Variants in TTC28 observed in about 807,000 individuals in gnomAD.
TTC28 encodes the protein tetratricopeptide repeat protein 28.
A neutral mutation model predicts 198.0 loss-of-function variants in TTC28; 61 were observed. The observed-to-expected ratio is 0.31, with a 90% confidence interval of 0.25 to 0.38. The LOEUF is 0.38. Ranked by LOEUF, TTC28 falls within the 10% of genes least tolerant of loss-of-function variation. The probability of loss-of-function intolerance (pLI) is 1.00; values close to 1 mark genes in which losing one functional copy is unlikely to be tolerated. For synonymous variants in TTC28, 1,171 were observed against 1,297.8 expected, an observed-to-expected ratio of 0.90 and a Z score of 2.10; for missense variants, 2,678 against 3,164.0, an observed-to-expected ratio of 0.85 and a Z score of 3.69.
At chr22:28,030,095 G>T in intron 13 of TTC28, 131 bp downstream of exon 13, 1 of 1,326,952 alleles carries the variant, frequency 7.5e-7, no homozygotes, top group Non-Finnish European at 1.0e-6. Context: ...AAAGCATCAT[G>T]CTTGCTGCTG....
intron 2 of TTC28, among the ~76,000 whole-genome samples, chr22:28,339,091 C>G (rs549468488): frequency 1.3e-5 from 2 of 152,192 alleles, no homozygotes; most frequent in Admixed American, 6.5e-5. Flanking sequence ...TTCCTTCTAA[C>G]AGTCAGGACT....
At chr22:28,587,693 C>A (rs1033575941) in intron 2 of TTC28, among the ~76,000 whole-genome samples, 1 of 152,014 alleles carries the variant, frequency 6.6e-6, no homozygotes, top group South Asian at 2.1e-4. Flanking sequence ...GTGATCCCCC[C>A]ACCTTAGCCT....
chr22:28,482,055 G>T (rs1317642520), intron 2 of TTC28, among the ~76,000 whole-genome samples: 3 of 152,002 alleles, frequency 2.0e-5, no homozygotes, highest in South Asian at 4.1e-4. Flanking sequence ...TATTACATCA[G>T]GTTTTAGCAA....
At chr22:28,405,462 G>A (rs1397041783) in intron 2 of TTC28, among the ~76,000 whole-genome samples, 2 of 152,124 alleles carry the variant, frequency 1.3e-5, no homozygotes, top group Non-Finnish European at 2.9e-5. Flanking sequence ...TATAGCAGAA[G>A]GTAGAAAGCA....
chr22:28,597,497 C>T (rs1418947885), intron 2 of TTC28, among the ~76,000 whole-genome samples: 4 of 152,128 alleles, frequency 2.6e-5, no homozygotes, highest in African/African-American at 9.7e-5. Flanking sequence ...TTTGTTTAAA[C>T]ACAATTTCCT....
intron 5 of TTC28, among the ~76,000 whole-genome samples, chr22:28,213,976 C>A (rs1672537154): frequency 6.6e-6 from 1 of 152,096 alleles, no homozygotes; most frequent in South Asian, 2.1e-4. Context: ...AATAATGCCG[C>A]ATATCTACAA....
intron 5 of TTC28, among the ~76,000 whole-genome samples, chr22:28,191,915 C>T (rs191820229): frequency 7.3e-4 from 111 of 152,276 alleles, no homozygotes; most frequent in African/African-American, 2.6e-3. Context: ...CTTGAATGAC[C>T]CTGTCTGACA....
At chr22:28,261,415 A>G (rs569859502) in intron 5 of TTC28, among the ~76,000 whole-genome samples, 112 of 152,250 alleles carry the variant, frequency 7.4e-4, no homozygotes, top group African/African-American at 2.7e-3. Context: ...TGGAAGTCGC[A>G]GGAGAGGAGG....
intron 2 of TTC28, among the ~76,000 whole-genome samples, chr22:28,412,998 TATTC>T (rs759261599): frequency 1.3e-5 from 2 of 152,228 alleles, no homozygotes; most frequent in Admixed American, 6.5e-5. Flanking sequence ...CGTAACTTTT[TATTC>T]ATTATTTAGC....
At chr22:28,420,565 C>CAAA (rs4035770) in intron 2 of TTC28, among the ~76,000 whole-genome samples, 34 of 97,998 alleles carry the variant, frequency 3.5e-4, no homozygotes, top group East Asian at 7.0e-4. Flanking sequence ...CTAAAAAATG[C>CAAA]AAAAAAAAAA....
chr22:28,102,518 C>T (rs1360019976), intron 8 of TTC28, among the ~76,000 whole-genome samples: 1 of 152,200 alleles, frequency 6.6e-6, no homozygotes, highest in Non-Finnish European at 1.5e-5. Context: ...CTAGGCAGTT[C>T]TCAGCATCAC....
intron 2 of TTC28, among the ~76,000 whole-genome samples, chr22:28,538,790 G>A (rs894850323): frequency 5.3e-5 from 8 of 150,632 alleles, no homozygotes; most frequent in Non-Finnish European, 1.2e-4. Context: ...TCGAACTCCT[G>A]ACCTCAAATG....
intron 5 of TTC28, among the ~76,000 whole-genome samples, chr22:28,190,496 A>G (rs932762599): frequency 2.6e-5 from 4 of 152,198 alleles, no homozygotes; most frequent in Admixed American, 2.6e-4. Context: ...ATGAGTATGT[A>G]TACTTCTGAA....
intron 2 of TTC28, among the ~76,000 whole-genome samples, chr22:28,347,968 C>A (rs1303372080): frequency 2.6e-5 from 4 of 152,228 alleles, no homozygotes; most frequent in Non-Finnish European, 5.9e-5. Flanking sequence ...ACCTACCAGA[C>A]TGGTATCAAC....
At chr22:28,432,474 G>A (rs1057092758) in intron 2 of TTC28, among the ~76,000 whole-genome samples, 1 of 151,934 alleles carries the variant, frequency 6.6e-6, no homozygotes, top group African/African-American at 2.4e-5. Flanking sequence ...TAAAGTCACC[G>A]AGTTCTGCTC....
chr22:28,098,345 T>G (rs1215826510), intron 10 of TTC28, among the ~76,000 whole-genome samples: 1 of 152,094 alleles, frequency 6.6e-6, no homozygotes, highest in Non-Finnish European at 1.5e-5. Context: ...AGAGGGAACC[T>G]AGGGAGGGAA....
intron 5 of TTC28, among the ~76,000 whole-genome samples, chr22:28,262,215 T>C (rs1931369560): frequency 6.6e-6 from 1 of 152,066 alleles, no homozygotes; most frequent in African/African-American, 2.4e-5. Context: ...GTTAAGGTCA[T>C]CAGTTCAAGC....
intron 12 of TTC28, among the ~76,000 whole-genome samples, chr22:28,080,181 C>A (rs921011727): frequency 6.6e-6 from 1 of 152,198 alleles, no homozygotes; most frequent in Non-Finnish European, 1.5e-5. Flanking sequence ...TCTCTGAGAT[C>A]ATGTTTTCAA....
chr22:28,379,391 G>T (rs2046462105), intron 2 of TTC28, among the ~76,000 whole-genome samples: 1 of 151,990 alleles, frequency 6.6e-6, no homozygotes, highest in Admixed American at 6.6e-5. Context: ...TTCTATTGAA[G>T]AATACATAAA....
Sources: gnomAD v4.1 joint callset for allele counts (sites outside exome capture counted in the v4.1 genomes callset) on GRCh38, gnomAD v4.1.1 for gene constraint, MANE v1.5 for transcripts, NCBI Gene and HGNC (gene_info 2026-07-23, HGNC 2026-07-21) for gene names.